The following DRC9 variants were observed in gnomAD, a reference collection of about 807,000 sequenced individuals.
DRC9 encodes the protein dynein regulatory complex subunit 9, also known as dynein regulatory complex protein 9.
At chr3:197,909,944 C>T in the DRC9 span, among the ~76,000 whole-genome samples, 1 of 152,160 alleles carries the variant, frequency 6.6e-6, no homozygotes, top group Admixed American at 6.5e-5. Flanking sequence ...GAGCCGAGAT[C>T]GCGCCATTGC....
the DRC9 span, among the ~76,000 whole-genome samples, chr3:197,904,104 ATATATATT>A: frequency 3.4e-3 from 165 of 49,112 alleles, 1 homozygote; most frequent in Admixed American, 4.3e-3. Flanking sequence ...ATATATATAT[ATATATATT>A]TTTTTTTTTA....
the DRC9 span, chr3:197,956,948 A>C: frequency 6.6e-6 from 1 of 152,206 alleles, no homozygotes; most frequent in Non-Finnish European, 1.5e-5. Flanking sequence ...TTTAAATTGC[A>C]CTGAAAATGT....
the DRC9 span, chr3:197,913,070 T>C: frequency 7.2e-6 from 2 of 277,192 alleles, no homozygotes; most frequent in African/African-American, 4.4e-5. Context: ...AGGAAGAGTG[T>C]TGACGTGGCC....
chr3:197,953,377 T>TA, the DRC9 span: 1 of 453,858 alleles, frequency 2.2e-6, no homozygotes, highest in Non-Finnish European at 4.4e-6. Context: ...CCGTGGTCTT[T>TA]AAAGGAAATA....
the DRC9 span, among the ~76,000 whole-genome samples, chr3:197,901,656 A>T: frequency 2.0e-5 from 3 of 152,242 alleles, no homozygotes; most frequent in African/African-American, 7.2e-5. The surrounding 1 kb of genome is among the most constrained non-coding windows in gnomAD (Gnocchi z 4.4). Flanking sequence ...TGGAAAGCAG[A>T]TGGAAGAGGA....
At chr3:197,952,170 T>TG in the DRC9 span, among the ~76,000 whole-genome samples, 1 of 129,956 alleles carries the variant, frequency 7.7e-6, no homozygotes, top group Non-Finnish European at 1.6e-5. Context: ...GGGTTTTTTT[T>TG]TTTTTTTTTT....
the DRC9 span, chr3:197,891,601 G>C: frequency 1.1e-6 from 1 of 890,968 alleles, no homozygotes; most frequent in Non-Finnish European, 1.8e-6. Flanking sequence ...CTAAGCTGTA[G>C]CCCAGCCAGC....
the DRC9 span, among the ~76,000 whole-genome samples, chr3:197,948,340 C>G: frequency 6.6e-6 from 1 of 152,204 alleles, no homozygotes; most frequent in African/African-American, 2.4e-5. Flanking sequence ...TTCGCTGACT[C>G]GTCAGGCCAG....
At chr3:197,906,878 G>A in the DRC9 span, among the ~76,000 whole-genome samples, 3 of 152,152 alleles carry the variant, frequency 2.0e-5, no homozygotes, top group Non-Finnish European at 4.4e-5. Flanking sequence ...CAGGTTTCTG[G>A]CTACCAGACC....
At chr3:197,960,057 C>T in the DRC9 span, 4 of 619,774 alleles carry the variant, frequency 6.5e-6, no homozygotes, top group Non-Finnish European at 1.1e-5. Context: ...GCCGGCTTCG[C>T]GCCACGAGAC....
At chr3:197,910,986 A>AC in the DRC9 span, among the ~76,000 whole-genome samples, 6 of 151,312 alleles carry the variant, frequency 4.0e-5, no homozygotes, top group South Asian at 2.1e-4. Flanking sequence ...ACAAAACAAA[A>AC]AAAAAAAAAA....
At chr3:197,917,887 T>C in the DRC9 span, among the ~76,000 whole-genome samples, 4 of 151,812 alleles carry the variant, frequency 2.6e-5, no homozygotes, top group African/African-American at 4.8e-5. Flanking sequence ...TGTGCCACCA[T>C]GCCTGGCTAA....
chr3:197,915,652 G>T, the DRC9 span, among the ~76,000 whole-genome samples: 1 of 151,940 alleles, frequency 6.6e-6, no homozygotes, highest in Non-Finnish European at 1.5e-5. Flanking sequence ...TTTTTGAGAT[G>T]GAGGCTCGCT....
chr3:197,959,997 T>G, the DRC9 span: 2 of 556,768 alleles, frequency 3.6e-6, no homozygotes, highest in East Asian at 2.9e-5. Flanking sequence ...CCGCTAGCCT[T>G]TCTTCCTCCC....
chr3:197,949,752 G>A, the DRC9 span: 2 of 294,974 alleles, frequency 6.8e-6, no homozygotes. Flanking sequence ...TCTCTTCCAT[G>A]CTAGATTAGG....
At chr3:197,952,098 C>A in the DRC9 span, among the ~76,000 whole-genome samples, 1 of 150,392 alleles carries the variant, frequency 6.6e-6, no homozygotes, top group Non-Finnish European at 1.5e-5. Flanking sequence ...CTCCTTTTGC[C>A]AGAATTTAAG....
chr3:197,917,239 C>T, the DRC9 span, among the ~76,000 whole-genome samples: 1 of 152,232 alleles, frequency 6.6e-6, no homozygotes, highest in Non-Finnish European at 1.5e-5. Context: ...CTCCCTTGAG[C>T]CCCGGAGGCC....
chr3:197,951,016 T>C, the DRC9 span: 1 of 1,609,612 alleles, frequency 6.2e-7, no homozygotes. Context: ...TTTTGTGTGT[T>C]AGACGTGAAC....
chr3:197,926,095 C>A, the DRC9 span: 49 of 1,532,642 alleles, frequency 3.2e-5, no homozygotes, highest in Middle Eastern at 1.7e-4. Context: ...TGTTTTCTTC[C>A]TTTTTCCTCC....
Sources: allele counts gnomAD v4.1 joint callset (sites outside exome capture counted in the v4.1 genomes callset), GRCh38; gene constraint gnomAD v4.1.1; non-coding constraint Gnocchi (gnomAD v3.1); transcripts MANE v1.5; gene names NCBI Gene and HGNC (gene_info 2026-07-23, HGNC 2026-07-21).